PRDM16: variants seen among roughly 807,000 people sequenced by gnomAD.
PRDM16 encodes PR/SET domain 16, also known as histone-lysine N-methyltransferase PRDM16.
Under a neutral mutation model 110.6 loss-of-function variants are expected in PRDM16, and 23 were observed. That is an observed-to-expected ratio of 0.21 (90% CI 0.15 to 0.29). The LOEUF is 0.29. Ranked by LOEUF, PRDM16 falls within the 10% of genes least tolerant of loss-of-function variation. PRDM16 has a pLI of 1.00. For missense variants in PRDM16, 1,615 were observed against 1,794.3 expected (o/e 0.90, Z 1.81); for synonymous variants, 799 against 781.8 (o/e 1.02, Z -0.37).
intron 1 of PRDM16, among the ~76,000 whole-genome samples, chr1:3,165,351 T>C (rs1643939415): frequency 1.3e-5 from 2 of 149,222 alleles, no homozygotes; most frequent in African/African-American, 2.5e-5. Context: ...TCACCTGGGC[T>C]CAGGGACGGT....
chr1:3,181,336 A>AGTCCTACACACGCG (rs1644173536), intron 1 of PRDM16, among the ~76,000 whole-genome samples: 5 of 101,808 alleles, frequency 4.9e-5, no homozygotes, highest in African/African-American at 1.1e-4. Flanking sequence ...TTACACAAGC[A>AGTCCTACACACGCG]GTCTTACACA....
In PRDM16 at chr1:3,425,569, T is replaced by C. The variant is rs770380056; in HGVS notation, c.2940-12T>C. 20 of 1,613,190 alleles carry C rather than the reference T, an allele frequency of 1.2e-5. No individual in the cohort carries two copies. In the East Asian group the frequency reaches 4.5e-4, roughly 36 times the overall value. ...CGGGGCCTGCACTGAGGAGCGCGTG[T>C]GCCCCTTCCAGGTGTAAGTACTGCG... On this transcript the variant is annotated splice_polypyrimidine_tract_variant and intron_variant, in intron 12 of 16. Coordinates refer to ENST00000270722, the MANE Select transcript of PRDM16 (RefSeq NM_022114.4). The surrounding 1 kb of genome is among the most constrained non-coding windows in gnomAD (Gnocchi z 6.9).
intron 1 of PRDM16, chr1:3,132,871 A>G (rs1166468628): frequency 2.0e-5 from 3 of 152,212 alleles, no homozygotes; most frequent in Non-Finnish European, 4.4e-5. Flanking sequence ...CAGCCGGTCC[A>G]CTCACCCGGA....
intron 2 of PRDM16, among the ~76,000 whole-genome samples, chr1:3,195,756 C>T (rs1373922558): frequency 6.6e-6 from 1 of 152,188 alleles, no homozygotes; most frequent in Non-Finnish European, 1.5e-5. Flanking sequence ...CCCAGCCTCC[C>T]CCTAGGTCCC....
chr1:3,256,750 G>T (rs2100236761), intron 3 of PRDM16, among the ~76,000 whole-genome samples: 1 of 152,244 alleles, frequency 6.6e-6, no homozygotes, highest in East Asian at 1.9e-4. Flanking sequence ...CCAGCTACTA[G>T]GGAGGCTGAG....
chr1:3,402,747 G>A, intron 5 of PRDM16, 44 bp from the exon 6 acceptor site: 10 of 1,565,120 alleles, frequency 6.4e-6, no homozygotes, highest in Non-Finnish European at 8.8e-6. Flanking sequence ...GCCCTGGGCT[G>A]GGTCTCCAGC....
intron 3 of PRDM16, among the ~76,000 whole-genome samples, chr1:3,384,211 A>T (rs534570260): frequency 6.6e-6 from 1 of 152,178 alleles, no homozygotes; most frequent in South Asian, 2.1e-4. Flanking sequence ...CCACAGAGAC[A>T]TAGCCTTTCT....
At chr1:3,342,543 C>T (rs980166838) in intron 3 of PRDM16, among the ~76,000 whole-genome samples, 2 of 152,220 alleles carry the variant, frequency 1.3e-5, no homozygotes, top group East Asian at 3.8e-4. Flanking sequence ...ATACGGTAGC[C>T]TATACGTACC....
Position 3,069,955 on chromosome 1 carries a change from C to T in PRDM16, c.37+659C>T, listed in dbSNP as rs185342794. ...TGGGGAGCAAAATGGAGACTTTTGC[C>T]CGGGCTGGGAACTGTGGTCGTGAAG... On this transcript the variant is annotated intron_variant, in intron 1 of 16. Transcript: ENST00000270722. The surrounding 1 kb of genome is among the most constrained non-coding windows in gnomAD (Gnocchi z 6.1). Among the ~76,000 whole-genome samples, 1,055 of 152,066 alleles carry T rather than the reference C, an allele frequency of 6.9e-3. 46 individuals carry two copies. The highest frequency in any genetic ancestry group is 0.058 in the Admixed American group (887 of 15,292).
At chr1:3,356,304 A>G (rs1021347881) in intron 3 of PRDM16, among the ~76,000 whole-genome samples, 1 of 152,164 alleles carries the variant, frequency 6.6e-6, no homozygotes, top group South Asian at 2.1e-4. Context: ...TCTAAAGGTG[A>G]CAGTGCCCCT....
At chr1:3,259,799 A>C (rs2100247092) in intron 3 of PRDM16, among the ~76,000 whole-genome samples, 1 of 152,030 alleles carries the variant, frequency 6.6e-6, no homozygotes, top group South Asian at 2.1e-4. Context: ...GCGCCTCTCC[A>C]CTGGGCCTGG....
chr1:3,147,087 C>T (rs1403096204), intron 1 of PRDM16, among the ~76,000 whole-genome samples: 3 of 127,574 alleles, frequency 2.4e-5, no homozygotes, highest in African/African-American at 6.5e-5. Context: ...TATGTGTGCG[C>T]TCGGTGTGGG....
At chr1:3,116,619 C>T (rs1642967263) in intron 1 of PRDM16, among the ~76,000 whole-genome samples, 1 of 152,202 alleles carries the variant, frequency 6.6e-6, no homozygotes. Context: ...CAGGGGACCG[C>T]AGCTCCGGCT....
intron 2 of PRDM16, among the ~76,000 whole-genome samples, chr1:3,212,627 C>T (rs1402699599): frequency 6.0e-5 from 9 of 148,858 alleles, no homozygotes; most frequent in South Asian, 4.2e-4. Context: ...GAGGTCCTCC[C>T]GCTCATCCTC....
At chr1:3,291,860 C>T (rs1429125833) in intron 3 of PRDM16, among the ~76,000 whole-genome samples, 1 of 152,220 alleles carries the variant, frequency 6.6e-6, no homozygotes, top group South Asian at 2.1e-4. Context: ...CTTCTCTCCT[C>T]GAAGGGAACA....
At position 3,080,363 on chromosome 1, in the gene PRDM16, C is replaced by G. The variant is rs1377662465; in HGVS notation, c.37+11067C>G. Among the ~76,000 whole-genome samples the G allele has an allele frequency of 6.6e-6, 1 of 152,152 alleles. No homozygotes were observed. Among genetic ancestry groups the G allele is most frequent in the African/African-American group, 2.4e-5 (1 of 41,440 alleles). Reference sequence around the variant, plus strand: ...AGAATACAAATGGTGCCACGAAGCACCGGGGATTTACGGCCGACCCGCGCT... The same window carrying G: ...AGAATACAAATGGTGCCACGAAGCAGCGGGGATTTACGGCCGACCCGCGCT... On this transcript the variant is annotated intron_variant, in intron 1 of 16. Transcript: ENST00000270722. The surrounding 1 kb of genome is among the most constrained non-coding windows in gnomAD (Gnocchi z 5.2).
In PRDM16 at chr1:3,412,339, G is replaced by A. The variant is rs200167919; in HGVS notation, c.2142G>A (p.Lys714=). The A allele has an allele frequency of 4.2e-4, 672 of 1,613,792 alleles. 1 individual carries two copies. Among genetic ancestry groups the A allele is most frequent in the Admixed American group, 1.0e-3 (60 of 60,024 alleles). The change falls in exon 9 of 17, where the codon AAG becomes AAA. Residue 714 remains lysine (K), a synonymous_variant. Coordinates refer to ENST00000270722, the MANE Select transcript of PRDM16 (RefSeq NM_022114.4). ...FGPGFMGMQE[K]KLGSLPYHSA... is the part of the protein sequence containing the mutation. ...CCGGCTTCATGGGGATGCAGGAGAA[G>A]AAGCTGGGCTCGCTCCCCTACCACT...
At chr1:3,299,471 T>C (rs369478952) in intron 3 of PRDM16, among the ~76,000 whole-genome samples, 5 of 113,124 alleles carry the variant, frequency 4.4e-5, no homozygotes, top group African/African-American at 1.2e-4. Context: ...TTGAAGATGC[T>C]ATGCTGTGGC....
intron 2 of PRDM16, among the ~76,000 whole-genome samples, chr1:3,230,380 A>T (rs1387506078): frequency 1.3e-5 from 2 of 152,212 alleles, no homozygotes; most frequent in Non-Finnish European, 2.9e-5. Flanking sequence ...CTCCACAGTC[A>T]TCCAGACAAG....
Sources: gnomAD v4.1 joint callset for allele counts (sites outside exome capture counted in the v4.1 genomes callset) on GRCh38, gnomAD v4.1.1 for gene constraint, Gnocchi (gnomAD v3.1) non-coding constraint, MANE v1.5 for transcripts, NCBI Gene and HGNC (gene_info 2026-07-23, HGNC 2026-07-21) for gene names.